SNRNP200: variants seen among roughly 807,000 people sequenced by gnomAD.
SNRNP200 encodes the protein small nuclear ribonucleoprotein U5 subunit 200, also known as U5 small nuclear ribonucleoprotein 200 kDa helicase.
SNRNP200 carries 66 observed loss-of-function variants against 255.2 expected under a neutral mutation model. The observed-to-expected ratio is 0.26, with a 90% confidence interval of 0.21 to 0.32. The LOEUF (loss-of-function observed/expected upper bound fraction) is 0.32. Ranked by LOEUF, SNRNP200 falls within the 10% of genes least tolerant of loss-of-function variation. The probability of loss-of-function intolerance (pLI) is 1.00; values close to 1 mark genes in which losing one functional copy is unlikely to be tolerated. For missense variants in SNRNP200, 1,585 were observed against 2,749.8 expected, an observed-to-expected ratio of 0.58 and a Z score of 9.47; for synonymous variants, 939 against 1,027.8, an observed-to-expected ratio of 0.91 and a Z score of 1.65.
At chr2:96,288,843 T>A (rs1388103329) in intron 23 of SNRNP200, 97 bp from the exon 24 acceptor site, 4 of 1,138,600 alleles carry the variant, frequency 3.5e-6, no homozygotes, top group Non-Finnish European at 4.0e-6. Context: ...CCAGGTGAGA[T>A]TTGCTACAGG....
At chr2:96,303,986 C>T (rs1375391934) in intron 2 of SNRNP200, among the ~76,000 whole-genome samples, 1 of 151,888 alleles carries the variant, frequency 6.6e-6, no homozygotes, top group Non-Finnish European at 1.5e-5. Context: ...ATGCATTTTC[C>T]CTTTCTAGCT....
In SNRNP200 at chr2:96,275,126, A is replaced by G; in HGVS notation, c.6297T>C (p.Thr2099=). Residue 2099 remains threonine, a synonymous_variant, in exon 45 of 45, where the codon ACT becomes ACC. Transcript: ENST00000323853. ...KVKLDFVAPA[T]GAHNYTLYFM... Reference sequence around the variant, plus strand: ...AGTACAGAGTGTAGTTGTGGGCACCAGTGGCTGGGGCCACAAAGTCCAACT... The same window carrying G: ...AGTACAGAGTGTAGTTGTGGGCACCGGTGGCTGGGGCCACAAAGTCCAACT... The G allele has an allele frequency of 6.2e-7, 1 of 1,614,260 alleles. No individual in the cohort carries two copies. The highest frequency in any genetic ancestry group is 8.5e-7 in the Non-Finnish European group (1 of 1,180,038).
At position 96,285,183 on chromosome 2, in the gene SNRNP200, C is replaced by T. The variant is rs774388016; in HGVS notation, c.4161G>A (p.Glu1387=). 4.8e-5 allele frequency: 77 copies of T among 1,614,110 alleles called. 2 individuals carry two copies. The Middle Eastern group carries it at 6.8e-3, about 142-fold the overall frequency. ...ATGACACAGCGCCACGTCATACCTG[C>T]TCTGCCAGGGCCTCCATGGGGGTGA... ...VYITPMEALA[E]QVYMDWYEKF... is the part of the protein sequence containing the mutation. The change falls in exon 30 of 45, where the codon GAG becomes GAA. Residue 1387 remains glutamate, a synonymous_variant. Coordinates refer to ENST00000323853, the MANE Select transcript of SNRNP200 (RefSeq NM_014014.5).
In SNRNP200 at chr2:96,284,417, C is replaced by T. The variant is rs2063829674; in HGVS notation, c.4333G>A (p.Val1445Met). The change falls in exon 31 of 45, where the codon GTG becomes ATG. Residue 1445 changes from valine (V) to methionine (M), a missense_variant. Around this residue, in one of 9 missense-constraint regions of SNRNP200, gnomAD observed 719 missense variants for 1,091.1 expected, o/e 0.66. Coordinates refer to ENST00000323853, the MANE Select transcript of SNRNP200 (RefSeq NM_014014.5). Reference protein sequence around the residue: ...LSRRWKQRKNVQNINLFVVDE... With the variant: ...LSRRWKQRKNMQNINLFVVDE... Reference sequence around the variant, plus strand: ...ACCACGAAGAGGTTGATGTTCTGCACGTTCTTGCGCTGCTTCCATCGCCGG... The same window carrying T: ...ACCACGAAGAGGTTGATGTTCTGCATGTTCTTGCGCTGCTTCCATCGCCGG... 7 of 1,614,040 alleles carry T rather than the reference C, an allele frequency of 4.3e-6. No individual in the cohort carries two copies. Among genetic ancestry groups the T allele is most frequent in the African/African-American group, 1.3e-5 (1 of 74,912 alleles).
rs200824314 is a variant in SNRNP200 at position 96,286,892 on chromosome 2, A to G, written c.3640-15T>C. ...GAACCATGCACCTGCCAACAGGAGC[A>G]AGGGTAAAAGGAATGTGAGTCAACG... On this transcript the variant is annotated splice_polypyrimidine_tract_variant and intron_variant, in intron 27 of 44. Transcript: ENST00000323853. The surrounding 1 kb of genome is among the most constrained non-coding windows in gnomAD (Gnocchi z 4.8). 286 of 1,614,212 alleles carry G rather than the reference A, an allele frequency of 1.8e-4. 2 individuals carry two copies. Among genetic ancestry groups the G allele is most frequent in the Admixed American group, 1.6e-3 (99 of 60,030 alleles).
Position 96,289,936 on chromosome 2 carries a change from G to A in SNRNP200, c.2803C>T (p.Leu935Phe). 2 of 1,614,162 alleles carry A rather than the reference G, an allele frequency of 1.2e-6. No individual in the cohort carries two copies. The highest frequency in any genetic ancestry group is 1.7e-6 in the Non-Finnish European group (2 of 1,180,038). ...AGGTCATCATGAGAGATGCCATAGA[G>A]GGTTGGGGATCGCAGCATTCGGATA... ...LYIRMLRSPT[L>F]YGISHDDLKG... The change falls in exon 21 of 45, where the codon CTC becomes TTC. Residue 935 changes from leucine (L) to phenylalanine (F), a missense_variant. This residue lies in a region of SNRNP200 where 719 missense variants were observed against 1,091.1 expected (regional missense o/e 0.66). Coordinates refer to ENST00000323853, the MANE Select transcript of SNRNP200 (RefSeq NM_014014.5).
chr2:96,275,773 C>T (rs1240658650), intron 43 of SNRNP200, among the ~76,000 whole-genome samples: 1 of 152,168 alleles, frequency 6.6e-6, no homozygotes, highest in East Asian at 1.9e-4. Flanking sequence ...GAGGCCGAGG[C>T]GGGTGGATCA....
At chr2:96,297,118 G>A (rs1171550408) in intron 11 of SNRNP200, 48 bp from the exon 12 acceptor site, 1 of 1,613,704 alleles carries the variant, frequency 6.2e-7, no homozygotes, top group African/African-American at 1.3e-5. Context: ...GCATCCTTGA[G>A]CAAAACGTTA....
At chr2:96,302,992 T>C (rs918188925) in intron 3 of SNRNP200, among the ~76,000 whole-genome samples, 167 bp downstream of exon 3, 1 of 152,160 alleles carries the variant, frequency 6.6e-6, no homozygotes, top group Non-Finnish European at 1.5e-5. Flanking sequence ...GCATGATTGA[T>C]TAAATGACCA....
At chr2:96,304,645 A>G in intron 2 of SNRNP200, 60 bp downstream of exon 2, 1 of 1,606,954 alleles carries the variant, frequency 6.2e-7, no homozygotes, top group Non-Finnish European at 8.5e-7. Flanking sequence ...ATGCTGCTCG[A>G]ATGTTAAAGG....
rs746602649 is a variant in SNRNP200, at chr2:96,277,918, G to A, written c.5643C>T (p.Asn1881=). The change falls in exon 40 of 45, where the codon AAC becomes AAT. Residue 1881 remains asparagine, a synonymous_variant. Coordinates refer to ENST00000323853, the MANE Select transcript of SNRNP200 (RefSeq NM_014014.5). This position sits in a 1 kb window ranked among gnomAD's most constrained non-coding sequence, Gnocchi z 4.4. ...TGACGTGCGGATCATTGAACTTAGG[G>A]TTATTCAGCTTGTGGGGGACCTTCT... ...LAQKVPHKLN[N]PKFNDPHVKT... is the part of the protein sequence containing the mutation. 3 of 1,614,070 alleles carry A rather than the reference G, an allele frequency of 1.9e-6. No homozygotes were observed. Among genetic ancestry groups the A allele is most frequent in the Non-Finnish European group, 1.7e-6 (2 of 1,180,054 alleles).
Position 96,278,513 on chromosome 2 carries a change from C to T in SNRNP200, c.5488+34G>A. On this transcript the variant is annotated intron_variant, in intron 38 of 44. Coordinates refer to ENST00000323853, the MANE Select transcript of SNRNP200 (RefSeq NM_014014.5). This position sits in a 1 kb window ranked among gnomAD's most constrained non-coding sequence, Gnocchi z 6.9. ...GCTCCTGACCCGTGTAAAAAGGCTC[C>T]CACAGACAGGACACGGGCCATGCCG... 1 of 1,613,012 alleles carries T rather than the reference C, an allele frequency of 6.2e-7. No individual in the cohort carries two copies. Among genetic ancestry groups the T allele is most frequent in the Non-Finnish European group, 8.5e-7 (1 of 1,180,008 alleles).
chr2:96,277,263 C>G lies in SNRNP200; in HGVS notation c.5932-22G>C. On this transcript the variant is annotated intron_variant, in intron 41 of 44. Transcript: ENST00000323853. The surrounding 1 kb of genome is among the most constrained non-coding windows in gnomAD (Gnocchi z 4.4). ...CTCCCTGCAGTGAGTATTCAGACGT[C>G]AGGAAAGAGAGAACACGGGCCAACA... The G allele has an allele frequency of 6.2e-7, 1 of 1,613,824 alleles. No individual in the cohort carries two copies. Among genetic ancestry groups the G allele is most frequent in the South Asian group, 1.1e-5 (1 of 91,058 alleles).
intron 13 of SNRNP200, 138 bp from the exon 14 acceptor site, chr2:96,295,796 T>C: frequency 2.3e-6 from 2 of 862,060 alleles, no homozygotes; most frequent in Non-Finnish European, 1.9e-6. Flanking sequence ...TCAGATCTTA[T>C]GAACATATCT....
chr2:96,303,434 A>G (rs142000330), intron 2 of SNRNP200, 104 bp from the exon 3 acceptor site: 5 of 1,358,332 alleles, frequency 3.7e-6, no homozygotes, highest in East Asian at 2.3e-5. Flanking sequence ...CAAGAAGTTA[A>G]TATCTGAAAA....
In SNRNP200 at chr2:96,290,799, G is replaced by T. The variant is rs1470798497; in HGVS notation, c.2438C>A (p.Ala813Glu). The part of the protein sequence containing the change: ...DKHIQVLVST[A>E]TLAWGVNLPA... Reference sequence around the variant, plus strand: ...GAGATTCACACCCCAAGCTAGAGTTGCTGTGGAAACTAAAACCTACAGAGG... The same window carrying T: ...GAGATTCACACCCCAAGCTAGAGTTTCTGTGGAAACTAAAACCTACAGAGG... Residue 813 changes from alanine to glutamate, a missense_variant, in exon 19 of 45, where the codon GCA becomes GAA. Ala to Glu is a moderately radical substitution (Grantham distance 107). Transcript: ENST00000323853. This position sits in a 1 kb window ranked among gnomAD's most constrained non-coding sequence, Gnocchi z 4.5. 1.2e-6 allele frequency: 2 copies of T among 1,614,070 alleles called. No homozygotes were observed. The highest frequency in any genetic ancestry group is 1.7e-6 in the Non-Finnish European group (2 of 1,180,034).
At chr2:96,298,077 G>C (rs917638724) in intron 9 of SNRNP200, among the ~76,000 whole-genome samples, 57 of 152,242 alleles carry the variant, frequency 3.7e-4, no homozygotes, top group African/African-American at 1.3e-3. Context: ...TCCCCACAGT[G>C]CTGGTGAAAG....
In SNRNP200 at chr2:96,286,492, A is replaced by G. The variant is rs1257171831; in HGVS notation, c.3830-8T>C. ...GCAGCTGGGTCTCACAAGCTGCCAG[A>G]AAAGAAACAGGAAGGATATAAGCAC... On this transcript the variant is annotated splice_polypyrimidine_tract_variant and splice_region_variant and intron_variant, in intron 28 of 44. Coordinates refer to ENST00000323853, the MANE Select transcript of SNRNP200 (RefSeq NM_014014.5). The surrounding 1 kb of genome is among the most constrained non-coding windows in gnomAD (Gnocchi z 4.8). The G allele has an allele frequency of 6.2e-7, 1 of 1,613,876 alleles. No homozygotes were observed. The highest frequency in any genetic ancestry group is 1.3e-5 in the African/African-American group (1 of 74,888).
At position 96,288,657 on chromosome 2, in the gene SNRNP200, T is replaced by G. The variant is rs112436124; in HGVS notation, c.3258+6A>C. The G allele has an allele frequency of 1.9e-6, 3 of 1,613,086 alleles. No homozygotes were observed. In the South Asian group the frequency reaches 3.3e-5, roughly 18 times the overall value. Reference sequence around the variant, plus strand: ...TCTCACAGCTGCCATACAACTCCGCTCTCACCTGTGTGACATACACCATGT... The same window carrying G: ...TCTCACAGCTGCCATACAACTCCGCGCTCACCTGTGTGACATACACCATGT... On this transcript the variant is annotated splice_donor_region_variant and intron_variant, in intron 24 of 44. Transcript: ENST00000323853.
Sources: allele counts gnomAD v4.1 joint callset (sites outside exome capture counted in the v4.1 genomes callset), GRCh38; gene constraint gnomAD v4.1.1; regional missense constraint gnomAD v4.1.1; non-coding constraint Gnocchi (gnomAD v3.1); transcripts MANE v1.5; gene names NCBI Gene and HGNC (gene_info 2026-07-23, HGNC 2026-07-21).